The following FBXL5 variants were observed in gnomAD, a reference collection of about 807,000 sequenced individuals.
FBXL5 encodes F-box and leucine rich repeat protein 5.
FBXL5 carries 26 observed loss-of-function variants against 78.3 expected under a neutral mutation model. That is an observed-to-expected ratio of 0.33 (90% CI 0.24 to 0.46). The LOEUF is 0.46. Among genes scored for constraint, FBXL5 ranks in the 20% least tolerant of loss-of-function variants. FBXL5 has a pLI of 1.00. For synonymous variants in FBXL5, 295 were observed against 282.5 expected, an observed-to-expected ratio of 1.04 and a Z score of -0.45; for missense variants, 710 against 829.2, an observed-to-expected ratio of 0.86 and a Z score of 1.77.
At chr4:15,622,435 G>A (rs1169929361) in intron 9 of FBXL5, among the ~76,000 whole-genome samples, 1 of 152,126 alleles carries the variant, frequency 6.6e-6, no homozygotes, top group African/African-American at 2.4e-5. Context: ...AGTCTCTCAG[G>A]AAATGTACAC....
At chr4:15,633,365 G>A (rs928636059) in intron 5 of FBXL5, among the ~76,000 whole-genome samples, 3 of 152,142 alleles carry the variant, frequency 2.0e-5, no homozygotes, top group Admixed American at 6.5e-5. Flanking sequence ...TTCCCCTGCT[G>A]TCATTTCACA....
chr4:15,668,441 T>C (rs1257655517), intron 1 of FBXL5, among the ~76,000 whole-genome samples: 3 of 151,266 alleles, frequency 2.0e-5, no homozygotes, highest in Non-Finnish European at 4.4e-5. Flanking sequence ...ATTTTGACTT[T>C]ATTCAAATCA....
At chr4:15,609,044 A>G (rs1722067659) in intron 10 of FBXL5, among the ~76,000 whole-genome samples, 2 of 152,164 alleles carry the variant, frequency 1.3e-5, no homozygotes, top group South Asian at 4.1e-4. Context: ...GAATAAATGG[A>G]CAACAGAAAA....
chr4:15,681,548 G>T (rs1000834149), exon 1 of FBXL5: 1 of 154,994 alleles, frequency 6.5e-6, no homozygotes, highest in Non-Finnish European at 1.5e-5. Context: ...GTTCTCCGCG[G>T]TGTCTCCTAG....
intron 5 of FBXL5, among the ~76,000 whole-genome samples, chr4:15,635,751 C>T (rs955894228): frequency 9.7e-5 from 11 of 113,754 alleles, no homozygotes; most frequent in Non-Finnish European, 9.0e-5. Context: ...GAAACTCTGC[C>T]TCAAAAAAAG....
chr4:15,634,369 T>C (rs1459130924), intron 5 of FBXL5, among the ~76,000 whole-genome samples: 1 of 151,994 alleles, frequency 6.6e-6, no homozygotes, highest in African/African-American at 2.4e-5. Flanking sequence ...TTTTTCTTTT[T>C]TGTTTTGTTT....
chr4:15,629,259 T>C (rs1713382489), intron 6 of FBXL5, among the ~76,000 whole-genome samples: 2 of 152,096 alleles, frequency 1.3e-5, no homozygotes, highest in Admixed American at 1.3e-4. Flanking sequence ...TATCTTCAAG[T>C]ATGGAGACAA....
At chr4:15,656,311 G>A (rs935515413), upstream of FBXL5, 27 of 456,086 alleles carry the variant, frequency 5.9e-5, no homozygotes, top group Non-Finnish European at 1.8e-5. Context: ...TGCTCACGCC[G>A]GTCAGTCTTA....
intron 5 of FBXL5, among the ~76,000 whole-genome samples, chr4:15,633,854 C>T (rs1035571852): frequency 1.3e-5 from 2 of 152,196 alleles, no homozygotes; most frequent in African/African-American, 4.8e-5. Context: ...CCTGCCTTTG[C>T]CTCCCAAAGT....
At position 15,627,996 on chromosome 4, in the gene FBXL5, T is replaced by C. The variant is rs767724718; in HGVS notation, c.930A>G (p.Ala310=). The change falls in exon 7 of 11, where the codon GCA becomes GCG. Residue 310 remains alanine (A), a synonymous_variant. Transcript: ENST00000341285. ...CATGGAGTAAACGTTTTTCCATTTGTGCAATGCTGATAGCAATTGATTCCT... is the reference window on the plus strand; with the variant it reads ...CATGGAGTAAACGTTTTTCCATTTGCGCAATGCTGATAGCAATTGATTCCT... The part of the protein sequence containing the change: ...SAEESIAISI[A]QMEKRLLHGL... The C allele has an allele frequency of 3.7e-6, 6 of 1,613,698 alleles. No individual in the cohort carries two copies. In the Admixed American group the frequency reaches 5.0e-5, roughly 13 times the overall value.
chr4:15,680,346 A>C (rs1329221383), intron 1 of FBXL5, among the ~76,000 whole-genome samples: 1 of 152,200 alleles, frequency 6.6e-6, no homozygotes, highest in African/African-American at 2.4e-5. Context: ...TGTAAAAGAA[A>C]TATTTGCTAA....
chr4:15,612,208 G>C lies in FBXL5; in HGVS notation c.1999+58C>G, dbSNP rs768288924. ...ACTAAATGGAAAAATTATTAGAACT[G>C]CTAAAAAAAATTTTAAATTAATTCC... is the stretch of plus-strand genomic sequence containing the variant. On this transcript the variant is annotated intron_variant, in intron 10 of 10. Transcript: ENST00000341285. The C allele has an allele frequency of 2.2e-6, 3 of 1,362,040 alleles. No homozygotes were observed. In the South Asian group the frequency reaches 5.3e-5, roughly 24 times the overall value. 84.4% of individuals were successfully genotyped at this position (1,362,040 alleles called of 1,614,324 possible). A position where few individuals can be genotyped will look rare whatever the true frequency, so the allele number is the denominator to read the frequency against.
chr4:15,610,945 A>G (rs1214933420), intron 10 of FBXL5, among the ~76,000 whole-genome samples: 1 of 152,156 alleles, frequency 6.6e-6, no homozygotes, highest in Non-Finnish European at 1.5e-5. Flanking sequence ...TTATGTTAAC[A>G]AAACTCCGTT....
chr4:15,638,145 G>A (rs1020939508), intron 4 of FBXL5, among the ~76,000 whole-genome samples: 5 of 151,426 alleles, frequency 3.3e-5, no homozygotes, highest in African/African-American at 1.2e-4. Flanking sequence ...CAGGAAGCAG[G>A]ATGATATCGC....
chr4:15,624,031 A>G (rs933111084), intron 9 of FBXL5, among the ~76,000 whole-genome samples: 6 of 151,826 alleles, frequency 4.0e-5, no homozygotes, highest in African/African-American at 4.8e-5. Context: ...TCACCATGTT[A>G]GCCAGGACGG....
chr4:15,651,067 C>T (rs1715976529), intron 1 of FBXL5, among the ~76,000 whole-genome samples: 1 of 152,150 alleles, frequency 6.6e-6, no homozygotes, highest in South Asian at 2.1e-4. Context: ...AACGGCATAA[C>T]AAAAACACAT....
At chr4:15,612,242 T>C in intron 10 of FBXL5, 24 bp downstream of exon 10, 1 of 1,474,462 alleles carries the variant, frequency 6.8e-7, no homozygotes, top group Non-Finnish European at 8.9e-7. Context: ...CCTTCAAAAT[T>C]ATCGCACTGT....
At chr4:15,677,072 C>T (rs370006276) in intron 1 of FBXL5, among the ~76,000 whole-genome samples, 1 of 152,038 alleles carries the variant, frequency 6.6e-6, no homozygotes, top group Non-Finnish European at 1.5e-5. Context: ...CGCTAGATAG[C>T]GTTAAAACTA....
intron 1 of FBXL5, among the ~76,000 whole-genome samples, chr4:15,651,703 CTGTATAAATAAA>C (rs1324635337): frequency 6.6e-6 from 1 of 152,178 alleles, no homozygotes; most frequent in Non-Finnish European, 1.5e-5. Flanking sequence ...AATGTCCTAT[CTGTATAAATAAA>C]TGTATAAATA....
Sources: allele counts gnomAD v4.1 joint callset (sites outside exome capture counted in the v4.1 genomes callset), GRCh38; gene constraint gnomAD v4.1.1; transcripts MANE v1.5; gene names NCBI Gene and HGNC (gene_info 2026-07-23, HGNC 2026-07-21).